KIAA1614: variants seen among roughly 807,000 people sequenced by gnomAD.
KIAA1614 encodes uncharacterized protein KIAA1614.
In KIAA1614, 76 loss-of-function variants were observed where a neutral mutation model predicts 88.7. The ratio of observed to expected loss-of-function variants is 0.86; its 90% CI spans 0.71 to 1.04. KIAA1614 has a LOEUF of 1.04. Ranked by LOEUF, KIAA1614 falls within the 50% of genes least tolerant of loss-of-function variation. The pLI, the probability that KIAA1614 is intolerant of heterozygous loss-of-function variation, is 0.00. For synonymous variants in KIAA1614, 714 were observed against 675.5 expected (o/e 1.06, Z -0.88); for missense variants, 1,553 against 1,582.5 (o/e 0.98, Z 0.32).
intron 1 of KIAA1614, among the ~76,000 whole-genome samples, 179 bp from the exon 2 acceptor site, chr1:180,915,975 A>G (rs1653784576): frequency 6.6e-6 from 1 of 152,130 alleles, no homozygotes; most frequent in African/African-American, 2.4e-5. Flanking sequence ...CTTTCATGAA[A>G]CCAGTCCCTC....
chr1:180,939,534 G>A (rs1421759249), intron 6 of KIAA1614, among the ~76,000 whole-genome samples: 1 of 152,134 alleles, frequency 6.6e-6, no homozygotes, highest in Non-Finnish European at 1.5e-5. Flanking sequence ...GTCCTTGCCA[G>A]CTCCGGAACC....
intron 7 of KIAA1614, among the ~76,000 whole-genome samples, chr1:180,942,566 G>A (rs1654492515): frequency 6.6e-6 from 1 of 152,240 alleles, no homozygotes; most frequent in Non-Finnish European, 1.5e-5. Context: ...AATATTTGCT[G>A]GTTGAGTGAA....
intron 3 of KIAA1614, among the ~76,000 whole-genome samples, chr1:180,921,240 TGGA>T (rs1374629771): frequency 2.0e-5 from 3 of 151,662 alleles, no homozygotes; most frequent in African/African-American, 4.9e-5. Flanking sequence ...AGGTGCTCAG[TGGA>T]GGAGATTTTG....
At position 180,935,710 on chromosome 1, in the gene KIAA1614, G is replaced by A. The variant is rs1237498792; in HGVS notation, c.1801G>A (p.Asp601Asn). The change falls in exon 5 of 9, where the codon GAC becomes AAC. Residue 601 changes from aspartate to asparagine, a missense_variant. Physicochemically the swap from Asp to Asn is conservative, Grantham distance 23 (BLOSUM62 1). Transcript: ENST00000367588. This position sits in a 1 kb window ranked among gnomAD's most constrained non-coding sequence, Gnocchi z 6.1. ...MEWIRETHIG[D>N]TVCPAEVDSA... ...ATGGATCCGGGAAACACACATCGGAGACACCGTGTGCCCTGCGGAGGTGGA... is the reference window on the plus strand; with the variant it reads ...ATGGATCCGGGAAACACACATCGGAAACACCGTGTGCCCTGCGGAGGTGGA... 3.1e-6 allele frequency: 5 copies of A among 1,613,758 alleles called. No individual in the cohort carries two copies. Among genetic ancestry groups the A allele is most frequent in the Non-Finnish European group, 4.2e-6 (5 of 1,179,952 alleles).
intron 3 of KIAA1614, among the ~76,000 whole-genome samples, chr1:180,921,878 T>C (rs1243512033): frequency 6.6e-6 from 1 of 152,244 alleles, no homozygotes; most frequent in Non-Finnish European, 1.5e-5. Context: ...AGGCTCTCTC[T>C]GTACCAGCTC....
intron 1 of KIAA1614, among the ~76,000 whole-genome samples, chr1:180,915,634 G>A (rs1653772134): frequency 2.0e-5 from 3 of 152,192 alleles, no homozygotes; most frequent in South Asian, 2.1e-4. Flanking sequence ...GTGCTTTCAC[G>A]TTATCTATAG....
intron 3 of KIAA1614, among the ~76,000 whole-genome samples, chr1:180,924,692 G>T (rs547946644): frequency 9.2e-5 from 14 of 152,128 alleles, no homozygotes; most frequent in Non-Finnish European, 1.9e-4. Context: ...CCTGTCAAGG[G>T]CTTTTCAAAG....
Position 180,945,343 on chromosome 1 carries a change from G to A in KIAA1614, c.3328G>A (p.Asp1110Asn), listed in dbSNP as rs772188619. The A allele has an allele frequency of 1.9e-6, 3 of 1,596,118 alleles. No individual in the cohort carries two copies. The highest frequency in any genetic ancestry group is 2.3e-5 in the South Asian group (2 of 88,494). The change falls in exon 9 of 9, where the codon GAC becomes AAC. Residue 1110 changes from aspartate (D) to asparagine (N), a missense_variant. Transcript: ENST00000367588. ...ACCACGGCGTGCCCTCAGTGTGGAG[G>A]ACGTGGGTGCTCCCAGCCTGGCTCG... ...TSPRRALSVE[D>N]VGAPSLARTV...
chr1:180,936,569 G>C lies in KIAA1614; in HGVS notation c.2660G>C (p.Arg887Pro), dbSNP rs754069151. ...STNNCNNSAPRGLQEPYGGAV... is the reference protein window; with the variant it reads ...STNNCNNSAPPGLQEPYGGAV... ...AACAACTGCAACAACAGCGCACCTCGGGGGCTGCAGGAGCCCTACGGGGGA... is the reference window on the plus strand; with the variant it reads ...AACAACTGCAACAACAGCGCACCTCCGGGGCTGCAGGAGCCCTACGGGGGA... The change falls in exon 5 of 9, where the codon CGG (arginine) becomes CCG (proline). Residue 887 changes from arginine to proline, a missense_variant. Physicochemically the swap from Arg to Pro is moderately radical, Grantham distance 103 (BLOSUM62 -2). Transcript: ENST00000367588. The C allele has an allele frequency of 5.6e-6, 9 of 1,613,004 alleles. No homozygotes were observed. In the East Asian group the frequency reaches 2.0e-4, roughly 36 times the overall value.
rs768001811 is a variant in KIAA1614, at chr1:180,938,548, G to A, written c.2762-7G>A. The A allele has an allele frequency of 6.2e-7, 1 of 1,613,680 alleles. No individual in the cohort carries two copies. Among genetic ancestry groups the A allele is most frequent in the Admixed American group, 1.7e-5 (1 of 59,992 alleles). ...CTGACTCAGGTGGGATGCTGTGCTTGTTTCAGGAGGACCCCAGGGCTTTCT... is the reference window on the plus strand; with the variant it reads ...CTGACTCAGGTGGGATGCTGTGCTTATTTCAGGAGGACCCCAGGGCTTTCT... On this transcript the variant is annotated splice_polypyrimidine_tract_variant and splice_region_variant and intron_variant, in intron 5 of 8. Transcript: ENST00000367588.
intron 7 of KIAA1614, among the ~76,000 whole-genome samples, chr1:180,942,385 C>T (rs1438180777): frequency 2.0e-5 from 3 of 152,168 alleles, no homozygotes; most frequent in Admixed American, 2.0e-4. Context: ...GTCTGTTTCT[C>T]CTAATTCCCT....
Position 180,932,167 on chromosome 1 carries a change from AATC to A in KIAA1614, c.1206-2943_1206-2941del, listed in dbSNP as rs1470606342. 1.1e-4 allele frequency among the ~76,000 whole-genome samples: 17 copies of A among 152,142 alleles called. No individual in the cohort carries two copies. In the East Asian group the frequency reaches 2.9e-3, roughly 26 times the overall value. ...CAGTGCTTTACAATCCCCAAAAGAA[AATC>A]ATCACCACCATAGTTATTAATATCA... On this transcript the variant is annotated intron_variant, in intron 4 of 8. Transcript: ENST00000367588.
intron 4 of KIAA1614, among the ~76,000 whole-genome samples, chr1:180,929,956 ACCTTCATGGAACCACTGAGACGACT>A (rs1186001243): frequency 6.6e-6 from 1 of 152,092 alleles, no homozygotes; most frequent in Non-Finnish European, 1.5e-5. Context: ...AAGGCTAAGG[ACCTTCATGGAACCACTGAGACGACT>A]CCTTCATGAG....
chr1:180,939,589 T>C (rs952975798), intron 6 of KIAA1614, among the ~76,000 whole-genome samples: 1 of 152,190 alleles, frequency 6.6e-6, no homozygotes, highest in Non-Finnish European at 1.5e-5. Context: ...ATGGCTTCTT[T>C]GCTATACAAT....
intron 4 of KIAA1614, among the ~76,000 whole-genome samples, chr1:180,929,369 G>A (rs1654143435): frequency 6.6e-6 from 1 of 152,144 alleles, no homozygotes; most frequent in Non-Finnish European, 1.5e-5. Flanking sequence ...TGTTTGGTGG[G>A]GCCTCAGCCG....
chr1:180,921,097 C>A (rs1653943968), intron 3 of KIAA1614, among the ~76,000 whole-genome samples: 1 of 151,886 alleles, frequency 6.6e-6, no homozygotes, highest in Non-Finnish European at 1.5e-5. Flanking sequence ...CACCTGGGTG[C>A]AGAAGGGCTG....
intron 4 of KIAA1614, among the ~76,000 whole-genome samples, chr1:180,934,438 A>C (rs1363109749): frequency 6.6e-6 from 1 of 151,718 alleles, no homozygotes; most frequent in Non-Finnish European, 1.5e-5. Context: ...AAAATAACCA[A>C]AATAAGCCAG....
rs978190445 is a variant in KIAA1614, at chr1:180,913,114, C to T, written c.-130C>T. The T allele has an allele frequency of 1.2e-4, 73 of 627,632 alleles. 1 individual carries two copies. The African/African-American group carries it at 1.2e-3, about 10-fold the overall frequency. 38.9% of individuals were successfully genotyped at this position (627,632 alleles called of 1,614,324 possible). On this transcript the variant is annotated 5_prime_UTR_variant, in exon 1 of 9. Coordinates refer to ENST00000367588, the MANE Select transcript of KIAA1614 (RefSeq NM_020950.2). ...GCCGTCCCGGACCCCCAGTCGGCCG[C>T]GCCCCGAGGGGCGAGGCCTGCGGGC...
At chr1:180,941,440 T>A (rs1298486044) in intron 7 of KIAA1614, among the ~76,000 whole-genome samples, 155 bp downstream of exon 7, 1 of 152,132 alleles carries the variant, frequency 6.6e-6, no homozygotes, top group Non-Finnish European at 1.5e-5. Context: ...GGTTGACCCA[T>A]GAGACTTGGG....
Sources: gnomAD v4.1 joint callset for allele counts (sites outside exome capture counted in the v4.1 genomes callset) on GRCh38, gnomAD v4.1.1 for gene constraint, Gnocchi (gnomAD v3.1) non-coding constraint, MANE v1.5 for transcripts, NCBI Gene and HGNC (gene_info 2026-07-23, HGNC 2026-07-21) for gene names.